SNTG2: variants seen among roughly 807,000 people sequenced by gnomAD.
The protein encoded by SNTG2 is gamma-2-syntrophin.
Under a neutral mutation model 70.9 loss-of-function variants are expected in SNTG2, and 74 were observed. The ratio of observed to expected loss-of-function variants is 1.04; its 90% CI spans 0.86 to 1.27. The LOEUF is 1.27. Ranked by LOEUF, SNTG2 falls within the 50% of genes most tolerant of loss-of-function variation. SNTG2 has a pLI of 0.00. For missense variants in SNTG2, 717 were observed against 690.7 expected (o/e 1.04, Z -0.43); for synonymous variants, 278 against 273.8 (o/e 1.02, Z -0.15).
intron 6 of SNTG2, 145 bp from the exon 7 acceptor site, chr2:1,165,403 G>A (rs1048622296): frequency 9.4e-6 from 7 of 743,854 alleles, no homozygotes; most frequent in Admixed American, 5.5e-5. Flanking sequence ...TACTCCAGCT[G>A]AAGCCCACAA....
chr2:1,233,475 G>T, intron 9 of SNTG2, among the ~76,000 whole-genome samples: 1 of 152,344 alleles, frequency 6.6e-6, no homozygotes, highest in South Asian at 2.1e-4. Context: ...AGCGAAGGCA[G>T]GCAGTGTGAC....
intron 6 of SNTG2, among the ~76,000 whole-genome samples, chr2:1,148,347 A>G (rs1669235358): frequency 6.6e-6 from 1 of 152,142 alleles, no homozygotes; most frequent in Non-Finnish European, 1.5e-5. Flanking sequence ...GCAGCTTTTC[A>G]TGTTTGCCAG....
At chr2:1,308,664 A>G (rs1398112348) in intron 15 of SNTG2, 78 bp downstream of exon 15, 1 of 1,237,090 alleles carries the variant, frequency 8.1e-7, no homozygotes, top group Non-Finnish European at 1.2e-6. Context: ...ACACTCACGC[A>G]TGTCTGGTAG....
At chr2:1,004,912 T>C (rs1159896681) in intron 1 of SNTG2, among the ~76,000 whole-genome samples, 1 of 152,118 alleles carries the variant, frequency 6.6e-6, no homozygotes, top group African/African-American at 2.4e-5. Flanking sequence ...TTATGTATAA[T>C]TGTCAAAAAC....
chr2:956,147 C>CGCCCCT (rs1450993381), intron 1 of SNTG2, among the ~76,000 whole-genome samples: 1 of 47,958 alleles, frequency 2.1e-5, no homozygotes, highest in Non-Finnish European at 4.9e-5. Context: ...CACCGCGCCC[C>CGCCCCT]GCCCCTGCCC....
chr2:1,158,542 A>C (rs181019535), intron 6 of SNTG2: 8 of 152,368 alleles, frequency 5.3e-5, no homozygotes, highest in African/African-American at 1.9e-4. Flanking sequence ...ATTGAATAAC[A>C]CATCAGTGCA....
chr2:1,002,471 C>T (rs527793030), intron 1 of SNTG2, among the ~76,000 whole-genome samples: 1 of 151,960 alleles, frequency 6.6e-6, no homozygotes, highest in Non-Finnish European at 1.5e-5. Flanking sequence ...TTTCAAAAGA[C>T]AAACAAATGG....
intron 14 of SNTG2, among the ~76,000 whole-genome samples, chr2:1,282,652 G>A (rs1679597979): frequency 1.4e-5 from 2 of 142,254 alleles, no homozygotes; most frequent in South Asian, 2.3e-4. Context: ...GCGTCCCTCC[G>A]GGAACTCCCC....
chr2:1,146,585 G>A (rs904854473), intron 6 of SNTG2, among the ~76,000 whole-genome samples: 4 of 152,300 alleles, frequency 2.6e-5, no homozygotes, highest in African/African-American at 9.6e-5. Flanking sequence ...GACTAGAATA[G>A]CCAATGCAGT....
chr2:954,753 G>C (rs951909331), intron 1 of SNTG2, among the ~76,000 whole-genome samples: 1 of 152,128 alleles, frequency 6.6e-6, no homozygotes, highest in Non-Finnish European at 1.5e-5. Context: ...CCCTCCAAAA[G>C]CTCACCCATT....
chr2:1,266,744 T>C (rs966261165), intron 13 of SNTG2, among the ~76,000 whole-genome samples: 18 of 93,234 alleles, frequency 1.9e-4, no homozygotes, highest in Admixed American at 1.9e-3. Context: ...AAGACTTTCA[T>C]CTTTATCTTT....
intron 6 of SNTG2, among the ~76,000 whole-genome samples, chr2:1,143,813 C>T (rs1221338554): frequency 6.6e-6 from 1 of 150,932 alleles, no homozygotes; most frequent in African/African-American, 2.4e-5. Flanking sequence ...GCAGAGGCTG[C>T]AGTGAGCAGA....
chr2:1,173,160 C>T lies in SNTG2; in HGVS notation c.568C>T (p.Leu190=), dbSNP rs970427046. ...TCCCCTCTTTGACAGCGGTTTGCATCTGAACGGAAACTCCAGTACCACAGT... is the reference window on the plus strand; with the variant it reads ...TCCCCTCTTTGACAGCGGTTTGCATTTGAACGGAAACTCCAGTACCACAGT... The part of the protein sequence containing the change: ...SSPLFDSGLH[L]NGNSSTTAPS... Residue 190 remains leucine, a synonymous_variant, in exon 8 of 17, where the codon CTG becomes TTG. Transcript: ENST00000308624. 2.5e-6 allele frequency: 4 copies of T among 1,613,884 alleles called. No homozygotes were observed. The African/African-American group carries it at 4.0e-5, about 16-fold the overall frequency.
At chr2:1,135,351 G>A (rs1474938290) in intron 4 of SNTG2, among the ~76,000 whole-genome samples, 1 of 152,074 alleles carries the variant, frequency 6.6e-6, no homozygotes, top group East Asian at 1.9e-4. Flanking sequence ...AGAGTCAGAT[G>A]CGTCTTCATT....
intron 14 of SNTG2, among the ~76,000 whole-genome samples, chr2:1,303,483 A>G (rs992071874): frequency 6.6e-6 from 1 of 152,206 alleles, no homozygotes; most frequent in Non-Finnish European, 1.5e-5. Flanking sequence ...GGCACAGCTG[A>G]ATCAGGGCTG....
At chr2:1,012,668 G>A (rs1659769352) in intron 1 of SNTG2, among the ~76,000 whole-genome samples, 1 of 129,588 alleles carries the variant, frequency 7.7e-6, no homozygotes, top group Admixed American at 7.7e-5. Flanking sequence ...TATAAGGGCA[G>A]AGAGAAGGGT....
chr2:983,562 G>A (rs13398145), intron 1 of SNTG2, among the ~76,000 whole-genome samples: 34,057 of 152,138 alleles, frequency 0.22, 4,174 homozygotes, highest in Admixed American at 0.34. Context: ...GTCACTCTCC[G>A]CCCTGGGGCC....
chr2:1,092,916 A>G (rs1195425705), intron 2 of SNTG2, among the ~76,000 whole-genome samples: 1 of 152,254 alleles, frequency 6.6e-6, no homozygotes, highest in East Asian at 1.9e-4. Context: ...AAAATGCAGA[A>G]TAATATTTTA....
intron 7 of SNTG2, 146 bp from the exon 8 acceptor site, chr2:1,172,946 T>C (rs983082024): frequency 1.7e-5 from 12 of 688,304 alleles, no homozygotes; most frequent in Middle Eastern, 2.7e-4. Flanking sequence ...TGAGAGGCCA[T>C]TGGGGATGAC....
Sources: gnomAD v4.1 joint callset for allele counts (sites outside exome capture counted in the v4.1 genomes callset) on GRCh38, gnomAD v4.1.1 for gene constraint, MANE v1.5 for transcripts, NCBI Gene and HGNC (gene_info 2026-07-23, HGNC 2026-07-21) for gene names.